TESMIN: variants seen among roughly 807,000 people sequenced by gnomAD.
The protein encoded by TESMIN is CXC domain containing 2.
Under a neutral mutation model 47.4 loss-of-function variants are expected in TESMIN, and 34 were observed. That is an observed-to-expected ratio of 0.72 (90% confidence interval 0.55 to 0.96). The LOEUF (loss-of-function observed/expected upper bound fraction) is 0.96. Ranked by LOEUF, TESMIN falls within the 40% of genes least tolerant of loss-of-function variation. The pLI is 0.00. For missense variants in TESMIN, 610 were observed against 637.2 expected (o/e 0.96, Z 0.46); for synonymous variants, 278 against 258.9 (o/e 1.07, Z -0.71).
At chr11:68,711,202 G>A (rs1946062966) in intron 8 of TESMIN, among the ~76,000 whole-genome samples, 153 bp from the exon 9 acceptor site, 1 of 151,668 alleles carries the variant, frequency 6.6e-6, no homozygotes, top group Non-Finnish European at 1.5e-5. Flanking sequence ...GAATGTGTGG[G>A]TGAGAGCGTG....
chr11:68,749,943 G>C (rs994238336), intron 2 of TESMIN, among the ~76,000 whole-genome samples: 3 of 152,300 alleles, frequency 2.0e-5, no homozygotes, highest in Middle Eastern at 3.4e-3. Flanking sequence ...GGTTAGGTCA[G>C]CTTTGGACGA....
At chr11:68,724,510 C>T (rs1946238644) in intron 6 of TESMIN, among the ~76,000 whole-genome samples, 1 of 152,194 alleles carries the variant, frequency 6.6e-6, no homozygotes, top group African/African-American at 2.4e-5. Flanking sequence ...AGTGCATTTC[C>T]CAGCTTCCTA....
intron 6 of TESMIN, among the ~76,000 whole-genome samples, chr11:68,726,938 GCTT>G (rs1946271138): frequency 6.6e-6 from 1 of 151,518 alleles, no homozygotes; most frequent in South Asian, 2.1e-4. Context: ...AAAAAAGCTG[GCTT>G]GTGATAGCAG....
chr11:68,734,956 C>A (rs892900449), intron 6 of TESMIN, among the ~76,000 whole-genome samples: 2 of 152,174 alleles, frequency 1.3e-5, no homozygotes, highest in Non-Finnish European at 2.9e-5. Flanking sequence ...ACCACCTGTG[C>A]ATCTGTTTAG....
chr11:68,726,965 G>A (rs1158619091), intron 6 of TESMIN, among the ~76,000 whole-genome samples: 1 of 151,840 alleles, frequency 6.6e-6, no homozygotes, highest in African/African-American at 2.4e-5. Context: ...GTTGAGGCAG[G>A]AGGATTGCTG....
At position 68,747,186 on chromosome 11, in the gene TESMIN, A is replaced by T. The variant is rs199768412; in HGVS notation, c.630+22T>A. The T allele has an allele frequency of 3.9e-5, 63 of 1,609,342 alleles. No homozygotes were observed. In the East Asian group the frequency reaches 1.3e-3, roughly 34 times the overall value. On this transcript the variant is annotated intron_variant, in intron 3 of 9. Transcript: ENST00000255087. ...GCATTTAGTATAATGTTAGTCCTAC[A>T]CATCTTCTTTAGCATAATTACCATT...
Position 68,708,020 on chromosome 11 carries a change from C to T in TESMIN, c.*288G>A. The T allele has an allele frequency of 2.2e-6, 1 of 456,048 alleles. No homozygotes were observed. The highest frequency in any genetic ancestry group is 4.1e-6 in the Non-Finnish European group (1 of 242,972). 28.3% of individuals were successfully genotyped at this position (456,048 alleles called of 1,614,324 possible). On this transcript the variant is annotated 3_prime_UTR_variant, in exon 10 of 10. Coordinates refer to ENST00000255087, the MANE Select transcript of TESMIN (RefSeq NM_004923.3). Reference sequence around the variant, plus strand: ...CCTTCGCAGGGCCTGCTGTGCCCTCCCCTGCCCTGCTCTGCCCTCCGCCGC... The same window carrying T: ...CCTTCGCAGGGCCTGCTGTGCCCTCTCCTGCCCTGCTCTGCCCTCCGCCGC...
At chr11:68,743,802 G>T (rs1168030196) in intron 4 of TESMIN, among the ~76,000 whole-genome samples, 1 of 152,294 alleles carries the variant, frequency 6.6e-6, no homozygotes, top group East Asian at 1.9e-4. Context: ...AATCTCAGAC[G>T]CAGGCAGCAG....
chr11:68,751,259 GCCAGGTGAGGTGCGA>G (rs1403500883), intron 1 of TESMIN, among the ~76,000 whole-genome samples, 146 bp downstream of exon 1: 19 of 147,704 alleles, frequency 1.3e-4, no homozygotes, highest in African/African-American at 4.5e-4. Context: ...GGGAGGGGGG[GCCAGGTGAGGTGCGA>G]CCAGGTGAGG....
Position 68,714,061 on chromosome 11 carries a change from A to G in TESMIN, c.1021-654T>C, listed in dbSNP as rs532166747. Among the ~76,000 whole-genome samples the G allele has an allele frequency of 4.6e-5, 7 of 152,320 alleles. No individual in the cohort carries two copies. The East Asian group carries it at 1.3e-3, about 29-fold the overall frequency. ...TCTATTTGTTGTCCCTTTTTAATCT[A>G]TCTATACACACAAATACATACATAT... On this transcript the variant is annotated intron_variant, in intron 7 of 9. Transcript: ENST00000255087.
chr11:68,747,553 G>A (rs892105727), intron 2 of TESMIN, among the ~76,000 whole-genome samples, 187 bp from the exon 3 acceptor site: 2 of 152,186 alleles, frequency 1.3e-5, no homozygotes, highest in African/African-American at 4.8e-5. Context: ...GAACCTGGGA[G>A]GCGGAGGTTG....
At chr11:68,738,022 A>T in intron 6 of TESMIN, 2 of 985,572 alleles carry the variant, frequency 2.0e-6, no homozygotes, top group East Asian at 1.1e-4. Context: ...ACAGGGCTCA[A>T]CGAATGGAGA....
chr11:68,738,704 C>T lies in TESMIN; in HGVS notation c.913G>A (p.Ala305Thr). ...TLPGPPKITL[A>T]GYCDCFASGD... ...TGTATTGCTTCTAATCCTTACCCAG[C>T]CAAAGTTATTTTTGGTGGTCCTGGA... Residue 305 changes from alanine (A) to threonine (T), a missense_variant, in exon 6 of 10, where the codon GCT (alanine) becomes ACT (threonine). Transcript: ENST00000255087. 1 of 1,613,960 alleles carries T rather than the reference C, an allele frequency of 6.2e-7. No homozygotes were observed. The highest frequency in any genetic ancestry group is 8.5e-7 in the Non-Finnish European group (1 of 1,179,908).
At chr11:68,705,097 C>G (rs918430150), downstream of TESMIN, among the ~76,000 whole-genome samples, 39 of 152,302 alleles carry the variant, frequency 2.6e-4, no homozygotes, top group African/African-American at 9.1e-4. Context: ...AGGCTAAGGA[C>G]TCCTGGGGAG....
At chr11:68,745,133 AG>A in intron 3 of TESMIN, 22 bp from the exon 4 acceptor site, 1 of 1,572,818 alleles carries the variant, frequency 6.4e-7, no homozygotes, top group Non-Finnish European at 8.6e-7. Context: ...AAGAACAATC[AG>A]GTTTCATTTT....
chr11:68,727,711 G>GC (rs1400012453), intron 6 of TESMIN, among the ~76,000 whole-genome samples: 9 of 152,188 alleles, frequency 5.9e-5, no homozygotes, highest in Non-Finnish European at 8.8e-5. Context: ...TCTGCATCAA[G>GC]CAAGTCTACG....
intron 7 of TESMIN, among the ~76,000 whole-genome samples, chr11:68,714,695 T>A (rs543964794): frequency 6.6e-6 from 1 of 152,242 alleles, no homozygotes; most frequent in African/African-American, 2.4e-5. Context: ...AGTGCCTGGC[T>A]ACTCTGAATG....
At position 68,747,307 on chromosome 11, in the gene TESMIN, C is replaced by T. The variant is rs781111923; in HGVS notation, c.531G>A (p.Leu177=). Residue 177 remains leucine, a synonymous_variant, in exon 3 of 10, where the codon TTG becomes TTA. Transcript: ENST00000255087. ...AGGATTCCTGAGCAAGAAGATTCTG[C>T]AAAGTTGCTTCTTCCGGATTATTAC... ...TTSNNPEEAT[L]QNLLAQESCC... 5 of 1,613,896 alleles carry T rather than the reference C, an allele frequency of 3.1e-6. No homozygotes were observed. The Admixed American group carries it at 8.3e-5, about 27-fold the overall frequency.
chr11:68,743,568 AT>A (rs1246343616), intron 4 of TESMIN, among the ~76,000 whole-genome samples: 16 of 151,090 alleles, frequency 1.1e-4, no homozygotes, highest in Admixed American at 6.6e-4. Context: ...ATTTATGTGT[AT>A]TTTTTTTTCA....
Sources: allele counts gnomAD v4.1 joint callset (sites outside exome capture counted in the v4.1 genomes callset), GRCh38; gene constraint gnomAD v4.1.1; transcripts MANE v1.5; gene names NCBI Gene and HGNC (gene_info 2026-07-23, HGNC 2026-07-21).